PHACTR2: variants seen among roughly 807,000 people sequenced by gnomAD.
The protein encoded by PHACTR2 is chromosome 6 open reading frame 56.
Under a neutral mutation model 76.0 loss-of-function variants are expected in PHACTR2, and 30 were observed. The ratio of observed to expected loss-of-function variants is 0.39; its 90% CI spans 0.30 to 0.54. The LOEUF (loss-of-function observed/expected upper bound fraction) is 0.54, where lower values mean the gene tolerates loss of function less well. Ranked by LOEUF, PHACTR2 falls within the 20% of genes least tolerant of loss-of-function variation. PHACTR2 has a pLI of 0.61. For missense variants in PHACTR2, 696 were observed against 781.1 expected, an observed-to-expected ratio of 0.89 and a Z score of 1.30; for synonymous variants, 292 against 292.5, an observed-to-expected ratio of 1.00 and a Z score of 0.02.
Position 143,624,711 on chromosome 6 carries a change from C to G in PHACTR2, c.13+16389C>G, listed in dbSNP as rs9496712. On this transcript the variant is annotated intron_variant, in intron 1 of 11. Transcript: ENST00000305766. The surrounding 1 kb of genome is among the most constrained non-coding windows in gnomAD (Gnocchi z 4.6). ...CTCCAGGCCTAAAGCTGGAACCCCA[C>G]GGTTGCCCTGGATCAGCTGAGGTGG... is the stretch of plus-strand genomic sequence containing the variant. 0.78 allele frequency among the ~76,000 whole-genome samples: 118,181 copies of G among 151,864 alleles called. 46,519 individuals are homozygous for G. The highest frequency in any genetic ancestry group is 0.88 in the Middle Eastern group (260 of 294).
At chr6:143,748,482 T>C (rs1779117741) in intron 2 of PHACTR2, among the ~76,000 whole-genome samples, 1 of 152,168 alleles carries the variant, frequency 6.6e-6, no homozygotes. Flanking sequence ...TATAGAAATA[T>C]GATGTGTTGG....
chr6:143,810,955 C>T (rs1776162062), intron 12 of PHACTR2, among the ~76,000 whole-genome samples: 1 of 151,840 alleles, frequency 6.6e-6, no homozygotes, highest in Non-Finnish European at 1.5e-5. Flanking sequence ...ATATTTTTTC[C>T]AATTTATTGT....
rs1775277694 is a variant in PHACTR2 at position 143,561,642 on chromosome 6, C to A, written c.217+24435C>A. 6.6e-6 allele frequency among the ~76,000 whole-genome samples: 1 copy of A among 152,194 alleles called. No homozygotes were observed. ...CAGGCTCTGGCCTGGCCTCTGCATT[C>A]CCACAGAAGTAGTGGTGAGAGGAGT... On this transcript the variant is annotated intron_variant, in intron 1 of 11. Transcript: ENST00000367584. The surrounding 1 kb of genome is among the most constrained non-coding windows in gnomAD (Gnocchi z 4.1).
Position 143,757,958 on chromosome 6 carries a change from TGCGC to T in PHACTR2, c.455-2440_455-2437del, listed in dbSNP as rs143317266. On this transcript the variant is annotated intron_variant, in intron 4 of 12. Transcript: ENST00000440869. This position sits in a 1 kb window ranked among gnomAD's most constrained non-coding sequence, Gnocchi z 4.2. Reference sequence around the variant, plus strand: ...CCCTGCGTGTGTGTGCATGCACACGTGCGCGCACACACACACACACACACACACA... The same window carrying T: ...CCCTGCGTGTGTGTGCATGCACACGTGCACACACACACACACACACACACA... Among the ~76,000 whole-genome samples, 7,729 of 139,528 alleles carry T rather than the reference TGCGC, an allele frequency of 0.055. 653 individuals are homozygous for T. The highest frequency in any genetic ancestry group is 0.19 in the African/African-American group (7,140 of 38,456). The allele number at this position is 139,528 out of a possible 152,430, so 91.5% of individuals were successfully genotyped here. A position where few individuals can be genotyped will look rare whatever the true frequency, so the allele number is the denominator to read the frequency against.
At chr6:143,661,642 T>A in intron 1 of PHACTR2, among the ~76,000 whole-genome samples, 1 of 149,382 alleles carries the variant, frequency 6.7e-6, no homozygotes, top group East Asian at 2.0e-4. Flanking sequence ...CACTACAACC[T>A]CCTATTCCCA....
At chr6:143,572,508 G>A (rs924162042) in intron 1 of PHACTR2, among the ~76,000 whole-genome samples, 1 of 152,094 alleles carries the variant, frequency 6.6e-6, no homozygotes, top group Non-Finnish European at 1.5e-5. Context: ...AACACTAACA[G>A]TGGTTTTTTT....
intron 2 of PHACTR2, among the ~76,000 whole-genome samples, chr6:143,745,819 A>C (rs1000963450): frequency 6.6e-6 from 1 of 151,424 alleles, no homozygotes; most frequent in Non-Finnish European, 1.5e-5. Flanking sequence ...TTTTCCTATC[A>C]GAGCCTGTTT....
Position 143,553,077 on chromosome 6 carries a change from A to G in PHACTR2, c.217+15870A>G, listed in dbSNP as rs117977599. On this transcript the variant is annotated intron_variant, in intron 1 of 11. Transcript: ENST00000367584. This position sits in a 1 kb window ranked among gnomAD's most constrained non-coding sequence, Gnocchi z 4.2. ...TGCTTAAACATGCTTATCCCAGCCC[A>G]GAAGTGTGGCTGAGGGGCTAAAACC... Among the ~76,000 whole-genome samples, 593 of 152,286 alleles carry G rather than the reference A, an allele frequency of 3.9e-3. 9 individuals carry two copies. Among genetic ancestry groups the G allele is most frequent in the Admixed American group, 0.013 (193 of 15,290 alleles).
chr6:143,728,960 G>C (rs1778638556), intron 2 of PHACTR2, among the ~76,000 whole-genome samples: 1 of 151,948 alleles, frequency 6.6e-6, no homozygotes, highest in Non-Finnish European at 1.5e-5. Flanking sequence ...CAAAAGTATA[G>C]GCAACAAAAC....
rs151133551 is a variant in PHACTR2, at chr6:143,647,396, G to A, written c.13+39074G>A. On this transcript the variant is annotated intron_variant, in intron 1 of 11. Coordinates refer to the PHACTR2 transcript ENST00000305766. The surrounding 1 kb of genome is among the most constrained non-coding windows in gnomAD (Gnocchi z 4.2). ...CCTTTTCTCCTCTCAAAATTCTGCA[G>A]TAAATGGAAACCATTTCACATGTGT... is the stretch of plus-strand genomic sequence containing the variant. Among the ~76,000 whole-genome samples, 302 of 152,318 alleles carry A rather than the reference G, an allele frequency of 2.0e-3. 1 individual carries two copies. Among genetic ancestry groups the A allele is most frequent in the African/African-American group, 6.8e-3 (281 of 41,562 alleles).
chr6:143,765,599 T>A lies in PHACTR2; in HGVS notation c.1033T>A (p.Ser345Thr). ...TCCACCCCCTGTGGCTCCAGCACCT[T>A]CTCCTCTGGCCCCCCCTCTCCCTCT... ...VPPPPVAPAPSPLAPPLPLED... is the reference protein window; with the variant it reads ...VPPPPVAPAPTPLAPPLPLED... Residue 345 changes from serine to threonine, a missense_variant, in exon 6 of 13, where the codon TCT (serine) becomes ACT (threonine). Transcript: ENST00000440869. This position sits in a 1 kb window ranked among gnomAD's most constrained non-coding sequence, Gnocchi z 4.1. 1 of 1,613,990 alleles carries A rather than the reference T, an allele frequency of 6.2e-7. No individual in the cohort carries two copies. Among genetic ancestry groups the A allele is most frequent in the Non-Finnish European group, 8.5e-7 (1 of 1,179,924 alleles).
In PHACTR2 at chr6:143,760,303, G is replaced by C; in HGVS notation, c.455-98G>C. 9.2e-7 allele frequency: 1 copy of C among 1,082,038 alleles called. No homozygotes were observed. Among genetic ancestry groups the C allele is most frequent in the Non-Finnish European group, 1.3e-6 (1 of 747,966 alleles). 67.0% of individuals were successfully genotyped at this position (1,082,038 alleles called of 1,614,324 possible). On this transcript the variant is annotated intron_variant, in intron 4 of 12. Transcript: ENST00000440869. This position sits in a 1 kb window ranked among gnomAD's most constrained non-coding sequence, Gnocchi z 6.4. ...CTCCATGCTGATTCTCAAGTACCAA[G>C]CAGACACGCTTTGTGTCACTATCGT...
chr6:143,810,542 A>G (rs1467627410), intron 12 of PHACTR2: 8 of 454,092 alleles, frequency 1.8e-5, no homozygotes, highest in Non-Finnish European at 3.5e-5. Context: ...ACATACCTTT[A>G]TTGATCACTT....
intron 2 of PHACTR2, among the ~76,000 whole-genome samples, chr6:143,746,083 A>AT (rs981555759): frequency 6.6e-5 from 10 of 152,212 alleles, no homozygotes; most frequent in Non-Finnish European, 1.2e-4. Flanking sequence ...CTATCGGATG[A>AT]TTTTTTAGTG....
rs1775272097 is a variant in PHACTR2, at chr6:143,561,343, A to G, written c.217+24136A>G. ...CTTTTTAACTCGGTCTCCAGAGCCC[A>G]GAAGATTAGGTTGTTGCTCAATGTT... On this transcript the variant is annotated intron_variant, in intron 1 of 11. Transcript: ENST00000367584. This position sits in a 1 kb window ranked among gnomAD's most constrained non-coding sequence, Gnocchi z 4.1. 1 of 152,328 alleles carries G rather than the reference A, an allele frequency of 6.6e-6. No homozygotes were observed. The highest frequency in any genetic ancestry group is 1.5e-5 in the Non-Finnish European group (1 of 68,106). The allele number at this position is 152,328 out of a possible 1,614,324, so 9.4% of individuals were successfully genotyped here.
rs1412495042 is a variant in PHACTR2 at position 143,543,488 on chromosome 6, T to C, written c.217+6281T>C. Among the ~76,000 whole-genome samples, 3 of 152,204 alleles carry C rather than the reference T, an allele frequency of 2.0e-5. No homozygotes were observed. Among genetic ancestry groups the C allele is most frequent in the Non-Finnish European group, 4.4e-5 (3 of 68,038 alleles). ...ATAAGCTATGATTAGTGCCCTGTCC[T>C]GGGCCTGGGGGAGAACCTAGGATGG... On this transcript the variant is annotated intron_variant, in intron 1 of 11. Coordinates refer to the PHACTR2 transcript ENST00000367584. The surrounding 1 kb of genome is among the most constrained non-coding windows in gnomAD (Gnocchi z 4.7).
intron 11 of PHACTR2, among the ~76,000 whole-genome samples, chr6:143,799,187 T>C (rs1262904875): frequency 2.0e-5 from 3 of 152,246 alleles, no homozygotes; most frequent in African/African-American, 7.2e-5. Context: ...GTTTTTATAG[T>C]ATCCTCTGAT....
upstream of PHACTR2, among the ~76,000 whole-genome samples, chr6:143,607,967 C>T (rs1377497796): frequency 1.3e-5 from 2 of 152,182 alleles, no homozygotes; most frequent in East Asian, 1.9e-4. Context: ...CTGTGTTTTG[C>T]ATAGCATGTG....
rs74645252 is a variant in PHACTR2, at chr6:143,772,765, A to G, written c.1432+308A>G. On this transcript the variant is annotated intron_variant, in intron 7 of 12. Coordinates refer to ENST00000440869, the MANE Select transcript of PHACTR2 (RefSeq NM_001100164.2). This position sits in a 1 kb window ranked among gnomAD's most constrained non-coding sequence, Gnocchi z 5.4. ...TCTAATAACAGAGACCTTTCTCACT[A>G]TGACCAAAGAGAGCCCTTCCACTCT... is the stretch of plus-strand genomic sequence containing the variant. Among the ~76,000 whole-genome samples the G allele has an allele frequency of 6.2e-4, 94 of 152,316 alleles. No individual in the cohort carries two copies. The highest frequency in any genetic ancestry group is 3.4e-3 in the Middle Eastern group (1 of 294).
Sources: allele counts gnomAD v4.1 joint callset (sites outside exome capture counted in the v4.1 genomes callset), GRCh38; gene constraint gnomAD v4.1.1; non-coding constraint Gnocchi (gnomAD v3.1); transcripts MANE v1.5; gene names NCBI Gene and HGNC (gene_info 2026-07-23, HGNC 2026-07-21).